MASP2: variants seen among roughly 807,000 people sequenced by gnomAD.
MASP2 encodes the protein MBL associated serine protease 2.
MASP2 carries 49 observed loss-of-function variants against 57.1 expected under a neutral mutation model. The ratio of observed to expected loss-of-function variants is 0.86; its 90% CI spans 0.68 to 1.09. The LOEUF (loss-of-function observed/expected upper bound fraction) is 1.09, where lower values mean the gene tolerates loss of function less well. Ranked by LOEUF, MASP2 falls within the 50% of genes least tolerant of loss-of-function variation. MASP2 has a pLI of 0.00. For missense variants in MASP2, 900 were observed against 874.8 expected, an observed-to-expected ratio of 1.03 and a Z score of -0.36; for synonymous variants, 379 against 340.8, an observed-to-expected ratio of 1.11 and a Z score of -1.24.
chr1:11,037,309 G>C (rs1638270602), intron 7 of MASP2, among the ~76,000 whole-genome samples: 1 of 152,002 alleles, frequency 6.6e-6, no homozygotes, highest in African/African-American at 2.4e-5. Context: ...GGCTGGTCTT[G>C]AACTCCTGGC....
chr1:11,031,678 C>CA (rs1196167670), intron 8 of MASP2, among the ~76,000 whole-genome samples: 1 of 151,816 alleles, frequency 6.6e-6, no homozygotes, highest in African/African-American at 2.4e-5. Context: ...AACCTGTAAT[C>CA]AGCATTTTGG....
chr1:11,033,965 A>ACACACACTCTCT (rs1445746544), intron 8 of MASP2, among the ~76,000 whole-genome samples: 3 of 15,474 alleles, frequency 1.9e-4, no homozygotes, highest in African/African-American at 5.2e-4. Context: ...ACACACACAC[A>ACACACACTCTCT]CTCTCTCTCT....
intron 6 of MASP2, among the ~76,000 whole-genome samples, chr1:11,041,472 A>G (rs964507991): frequency 6.8e-6 from 1 of 146,964 alleles, no homozygotes; most frequent in Non-Finnish European, 1.5e-5. Flanking sequence ...GCATAGATGG[A>G]CAGCTGGAAG....
At chr1:11,036,677 C>A (rs1281153134) in intron 7 of MASP2, among the ~76,000 whole-genome samples, 1 of 141,382 alleles carries the variant, frequency 7.1e-6, no homozygotes, top group African/African-American at 2.7e-5. Context: ...GGATTGCATA[C>A]CTAGCTATCG....
At chr1:11,033,651 G>GA (rs1016538960) in intron 8 of MASP2, among the ~76,000 whole-genome samples, 1 of 149,146 alleles carries the variant, frequency 6.7e-6, no homozygotes, top group African/African-American at 2.5e-5. Flanking sequence ...TCTCCAAAAA[G>GA]AAAAAAAAGA....
intron 4 of MASP2, 114 bp from the exon 5 acceptor site, chr1:11,043,649 C>A: frequency 1.4e-6 from 1 of 721,966 alleles, no homozygotes; most frequent in Non-Finnish European, 2.3e-6. Context: ...GTGGCTGGGA[C>A]ATCTGCATCC....
intron 10 of MASP2, 71 bp from the exon 11 acceptor site, chr1:11,027,719 G>A (rs1023767095): frequency 9.5e-6 from 14 of 1,481,092 alleles, no homozygotes; most frequent in South Asian, 2.7e-5. Context: ...AATTATGACC[G>A]CCTTGAAGTA....
intron 2 of MASP2, 45 bp downstream of exon 2, chr1:11,046,846 A>AC: frequency 2.5e-5 from 39 of 1,547,366 alleles, no homozygotes; most frequent in Non-Finnish European, 3.3e-5. Flanking sequence ...CTCCTTGGGG[A>AC]CCCCCCGACC....
rs371372023 is a variant in MASP2 at position 11,026,902 on chromosome 1, T to C, written c.2044A>G (p.Ile682Val). The C allele has an allele frequency of 1.2e-5, 18 of 1,482,416 alleles. No individual in the cohort carries two copies. The highest frequency in any genetic ancestry group is 1.8e-4 in the Middle Eastern group (1 of 5,544). 91.8% of individuals were successfully genotyped at this position (1,482,416 alleles called of 1,614,324 possible). A position where few individuals can be genotyped will look rare whatever the true frequency, so the allele number is the denominator to read the frequency against. ...CACGCAAGTTAAAAATCACTAATTA[T>C]GTTCTCGATCCAGGGAATATAGTTA... ...VINYIPWIEN[I>V]ISDF is the part of the protein sequence containing the mutation. Residue 682 changes from isoleucine to valine, a missense_variant, in exon 11 of 11, where the codon ATA (isoleucine) becomes GTA (valine). Ile to Val is a conservative substitution (Grantham distance 29). Coordinates refer to ENST00000400897, the MANE Select transcript of MASP2 (RefSeq NM_006610.4).
At chr1:11,035,035 A>G (rs1398345093) in intron 7 of MASP2, 129 bp from the exon 8 acceptor site, 5 of 611,192 alleles carry the variant, frequency 8.2e-6, no homozygotes, top group Non-Finnish European at 1.4e-5. Flanking sequence ...GGCAGCACAC[A>G]TGACTAGTAT....
At chr1:11,043,283 T>C (rs1483032117) in intron 5 of MASP2, 56 bp downstream of exon 5, 3 of 1,461,412 alleles carry the variant, frequency 2.1e-6, no homozygotes, top group Non-Finnish European at 2.8e-6. Context: ...AAGTAGGGGG[T>C]GCAGCTGGGC....
rs770731185 is a variant in MASP2 at position 11,045,531 on chromosome 1, C to CTCCCGGG, written c.420_421insCCCGGGA (p.Glu141ProfsTer38). 1.2e-6 allele frequency: 2 copies of CTCCCGGG among 1,606,244 alleles called. No homozygotes were observed. Among genetic ancestry groups the CTCCCGGG allele is most frequent in the Non-Finnish European group, 1.7e-6 (2 of 1,177,696 alleles). ...GCCTCTCCCGGGGCCACCTGGCACT[C>CTCCCGGG]GTCAATGTCTGGGGGAGAGGCAGGG... On this transcript the variant is annotated frameshift_variant, in exon 4 of 11. Transcript: ENST00000400897. LOFTEE classifies it high-confidence loss of function.
Position 11,047,042 on chromosome 1 carries a change from C to G in MASP2, c.83G>C (p.Gly28Ala). Residue 28 changes from glycine to alanine, a missense_variant, in exon 2 of 11, where the codon GGG (glycine) becomes GCG (alanine). By Grantham distance (60) the Gly-to-Ala change is moderately conservative. Transcript: ENST00000400897. ...LGPKWPEPVFGRLASPGFPGE... is the reference protein window; with the variant it reads ...LGPKWPEPVFARLASPGFPGE... ...TGGAAAGCCGGGGGATGCCAGGCGC[C>G]CGAACACAGGTTCAGGCCACTTCGG... 2 of 1,551,158 alleles carry G rather than the reference C, an allele frequency of 1.3e-6. No homozygotes were observed. The highest frequency in any genetic ancestry group is 1.7e-6 in the Non-Finnish European group (2 of 1,147,242).
chr1:11,028,914 C>T (rs1456852432), intron 10 of MASP2, among the ~76,000 whole-genome samples: 6 of 150,210 alleles, frequency 4.0e-5, no homozygotes, highest in Non-Finnish European at 1.5e-5. Flanking sequence ...GGGGTTTCAC[C>T]GTTTTAGCCA....
Position 11,026,840 on chromosome 1 carries a change from C to T in MASP2, c.*45G>A, listed in dbSNP as rs1381979437. On this transcript the variant is annotated 3_prime_UTR_variant, in exon 11 of 11. Coordinates refer to ENST00000400897, the MANE Select transcript of MASP2 (RefSeq NM_006610.4). ...AGCCACGTCGCTGCCAAGGTCTTCACAGGCATTTCTAAAAATGAAGAATCC... is the reference window on the plus strand; with the variant it reads ...AGCCACGTCGCTGCCAAGGTCTTCATAGGCATTTCTAAAAATGAAGAATCC... 1.4e-6 allele frequency: 2 copies of T among 1,445,506 alleles called. No homozygotes were observed. Among genetic ancestry groups the T allele is most frequent in the African/African-American group, 2.9e-5 (2 of 68,780 alleles). The allele number at this position is 1,445,506 out of a possible 1,614,324, so 89.5% of individuals were successfully genotyped here. A position where few individuals can be genotyped will look rare whatever the true frequency, so the allele number is the denominator to read the frequency against.
In MASP2 at chr1:11,027,200, A is replaced by G; in HGVS notation, c.1746T>C (p.Ala582=). ...GTATGTCGACATACATTAGATTTCTAGCAAGAAAACCCCTTTGGGTTAATC... is the reference window on the plus strand; with the variant it reads ...GTATGTCGACATACATTAGATTTCTGGCAAGAAAACCCCTTTGGGTTAATC... ...GWGLTQRGFL[A]RNLMYVDIPI... is the part of the protein sequence containing the mutation. The change falls in exon 11 of 11, where the codon GCT becomes GCC. Residue 582 remains alanine (A), a synonymous_variant. Coordinates refer to ENST00000400897, the MANE Select transcript of MASP2 (RefSeq NM_006610.4). 1 of 1,614,234 alleles carries G rather than the reference A, an allele frequency of 6.2e-7. No individual in the cohort carries two copies. Among genetic ancestry groups the G allele is most frequent in the Non-Finnish European group, 8.5e-7 (1 of 1,180,042 alleles).
chr1:11,043,751 G>T (rs959167147), intron 4 of MASP2, among the ~76,000 whole-genome samples: 1 of 152,094 alleles, frequency 6.6e-6, no homozygotes, highest in African/African-American at 2.4e-5. Context: ...CGCTTAGAGA[G>T]GGGGTTTCTC....
At chr1:11,041,790 A>G (rs1156347316) in intron 6 of MASP2, among the ~76,000 whole-genome samples, 32 of 148,570 alleles carry the variant, frequency 2.2e-4, no homozygotes, top group East Asian at 4.1e-4. Flanking sequence ...GGATGGATGG[A>G]TGGATAGAAG....
At chr1:11,028,859 A>G (rs1461832221) in intron 10 of MASP2, among the ~76,000 whole-genome samples, 19 of 145,240 alleles carry the variant, frequency 1.3e-4, no homozygotes, top group South Asian at 4.4e-4. Flanking sequence ...GACTACAGGC[A>G]CACGCCACCA....
Sources: gnomAD v4.1 joint callset for allele counts (sites outside exome capture counted in the v4.1 genomes callset) on GRCh38, gnomAD v4.1.1 for gene constraint, MANE v1.5 for transcripts, NCBI Gene and HGNC (gene_info 2026-07-23, HGNC 2026-07-21) for gene names.